Variants in PPP2R5C observed in about 807,000 individuals in gnomAD.
PPP2R5C encodes the protein serine/threonine-protein phosphatase 2A 56 kDa regulatory subunit gamma isoform.
A neutral mutation model predicts 68.9 loss-of-function variants in PPP2R5C; 7 were observed. That is an observed-to-expected ratio of 0.10 (90% CI 0.06 to 0.19). The LOEUF (loss-of-function observed/expected upper bound fraction) is 0.19. Among genes scored for constraint, PPP2R5C ranks in the 10% least tolerant of loss-of-function variants. The probability of loss-of-function intolerance (pLI) is 1.00; values close to 1 mark genes in which losing one functional copy is unlikely to be tolerated. For synonymous variants in PPP2R5C, 210 were observed against 222.2 expected (o/e 0.95, Z 0.49); for missense variants, 348 against 641.3 (o/e 0.54, Z 4.94).
chr14:101,763,487 A>G (rs749825890), intron 2 of PPP2R5C, among the ~76,000 whole-genome samples: 37 of 151,738 alleles, frequency 2.4e-4, no homozygotes, highest in Non-Finnish European at 1.2e-4. Flanking sequence ...AGTTCAAGCA[A>G]TTCTCCTGCC....
intron 8 of PPP2R5C, among the ~76,000 whole-genome samples, chr14:101,900,396 A>G (rs1313025213): frequency 6.6e-6 from 1 of 152,228 alleles, no homozygotes; most frequent in Admixed American, 6.5e-5. Flanking sequence ...ATGACTAGTG[A>G]GTGAAAACGA....
chr14:101,910,291 T>C (rs1178199356), intron 11 of PPP2R5C, among the ~76,000 whole-genome samples: 2 of 152,228 alleles, frequency 1.3e-5, no homozygotes, highest in South Asian at 2.1e-4. Flanking sequence ...CCAAGTTGAG[T>C]ATGGACTATT....
At chr14:101,857,861 A>G (rs1383381109) in intron 2 of PPP2R5C, among the ~76,000 whole-genome samples, 3 of 152,108 alleles carry the variant, frequency 2.0e-5, no homozygotes, top group Non-Finnish European at 4.4e-5. Context: ...TTCCAAAGCT[A>G]TATATTTCAG....
intron 1 of PPP2R5C, among the ~76,000 whole-genome samples, chr14:101,762,535 G>T (rs1321791993): frequency 6.6e-6 from 1 of 152,150 alleles, no homozygotes; most frequent in Non-Finnish European, 1.5e-5. Flanking sequence ...TTCTGCTTCA[G>T]GTGGAGCTCT....
intron 9 of PPP2R5C, among the ~76,000 whole-genome samples, chr14:101,905,119 C>G (rs1022160485): frequency 2.6e-5 from 4 of 152,182 alleles, no homozygotes. Flanking sequence ...TTTGGGAGGC[C>G]AAGGCGGGTG....
At position 101,886,280 on chromosome 14, in the gene PPP2R5C, C is replaced by CA. The variant is rs57167968; in HGVS notation, c.629+2735dup. ...TGGGCGACAGAGCAAGACTCCGTCT[C>CA]AAAAAAAAAAAAAAAAAGTAGTAGA... On this transcript the variant is annotated intron_variant, in intron 5 of 13. Coordinates refer to ENST00000334743, the Ensembl canonical transcript of PPP2R5C. Among the ~76,000 whole-genome samples, 163 of 103,906 alleles carry CA rather than the reference C, an allele frequency of 1.6e-3. 2 individuals carry two copies. The highest frequency in any genetic ancestry group is 6.9e-3 in the South Asian group (21 of 3,058). 68.2% of individuals were successfully genotyped at this position (103,906 alleles called of 152,430 possible).
chr14:101,908,193 C>G (rs1302730101), intron 10 of PPP2R5C, among the ~76,000 whole-genome samples: 1 of 152,128 alleles, frequency 6.6e-6, no homozygotes, highest in Non-Finnish European at 1.5e-5. Flanking sequence ...CGTAAAGTAC[C>G]TGGCTTATGA....
chr14:101,878,414 CG>C (rs2043930253), intron 2 of PPP2R5C, among the ~76,000 whole-genome samples: 1 of 152,194 alleles, frequency 6.6e-6, no homozygotes. Flanking sequence ...GTGTTTGAGA[CG>C]GGGCCTAGCT....
chr14:101,793,713 C>G (rs1371780597), intron 3 of PPP2R5C, among the ~76,000 whole-genome samples: 1 of 152,218 alleles, frequency 6.6e-6, no homozygotes, highest in Non-Finnish European at 1.5e-5. Context: ...CTTTTACACC[C>G]ATACTCATGG....
intron 3 of PPP2R5C, among the ~76,000 whole-genome samples, chr14:101,802,936 A>G (rs2038927219): frequency 6.8e-6 from 1 of 146,926 alleles, no homozygotes; most frequent in South Asian, 2.2e-4. Context: ...CACACCCACT[A>G]GGATGGCTAC....
At chr14:101,905,657 C>CA (rs908953650) in intron 9 of PPP2R5C, among the ~76,000 whole-genome samples, 67 of 140,932 alleles carry the variant, frequency 4.8e-4, no homozygotes, top group Middle Eastern at 3.8e-3. Context: ...AAATCCATCT[C>CA]AAAAAAAAAA....
chr14:101,843,182 C>G (rs2041606124), intron 1 of PPP2R5C, among the ~76,000 whole-genome samples: 1 of 152,130 alleles, frequency 6.6e-6, no homozygotes, highest in Non-Finnish European at 1.5e-5. Context: ...GAGCTGTGAT[C>G]ACACCACTGC....
rs371315630 is a variant in PPP2R5C at position 101,778,265 on chromosome 14, G to T, written c.94-7753G>T. Among the ~76,000 whole-genome samples the T allele has an allele frequency of 2.0e-4, 30 of 152,062 alleles. No homozygotes were observed. The South Asian group carries it at 4.8e-3, about 24-fold the overall frequency. On this transcript the variant is annotated intron_variant, in intron 2 of 14. Coordinates refer to the PPP2R5C transcript ENST00000328724. ...AGTCCTTTGCCCATTTTTTAATCGG[G>T]TTTTCTTTTTGTTATTGAGTTGTTA...
At chr14:101,927,398 A>T (rs1463983044) in exon 14 of PPP2R5C, 2 of 152,650 alleles carry the variant, frequency 1.3e-5, no homozygotes, top group Non-Finnish European at 2.9e-5. Flanking sequence ...TTCCCTAGTT[A>T]GTACTCGGAC....
chr14:101,778,128 A>G (rs1214867549), intron 2 of PPP2R5C, among the ~76,000 whole-genome samples: 2 of 152,212 alleles, frequency 1.3e-5, no homozygotes, highest in Non-Finnish European at 2.9e-5. Flanking sequence ...GGTGTGAAGT[A>G]GTATGTCATT....
At chr14:101,903,960 C>A (rs2141046076) in intron 9 of PPP2R5C, among the ~76,000 whole-genome samples, 1 of 152,284 alleles carries the variant, frequency 6.6e-6, no homozygotes, top group South Asian at 2.1e-4. Flanking sequence ...AGGCATAAGC[C>A]ACCGCGCCAG....
chr14:101,831,470 G>A (rs2040736325), intron 1 of PPP2R5C, among the ~76,000 whole-genome samples: 1 of 152,060 alleles, frequency 6.6e-6, no homozygotes, highest in Admixed American at 6.6e-5. Context: ...GCTACTAATG[G>A]GCCAGTGGGC....
chr14:101,876,992 A>G (rs1307020750), intron 2 of PPP2R5C, among the ~76,000 whole-genome samples: 1 of 116,926 alleles, frequency 8.6e-6, no homozygotes, highest in African/African-American at 3.5e-5. Flanking sequence ...TCTATTGCCC[A>G]GGCTGGAGTG....
chr14:101,762,983 A>G lies in PPP2R5C; in HGVS notation c.93+13A>G. Reference sequence around the variant, plus strand: ...AGTAGAATCAGAGGTAACTGTCATCAAATATTGACTTTGTATTTTATACAC... The same window carrying G: ...AGTAGAATCAGAGGTAACTGTCATCGAATATTGACTTTGTATTTTATACAC... On this transcript the variant is annotated intron_variant, in intron 2 of 14. Coordinates refer to the PPP2R5C transcript ENST00000328724. 4.5e-6 allele frequency: 7 copies of G among 1,558,982 alleles called. No homozygotes were observed. Among genetic ancestry groups the G allele is most frequent in the Non-Finnish European group, 6.1e-6 (7 of 1,148,534 alleles).
Sources: allele counts gnomAD v4.1 joint callset (sites outside exome capture counted in the v4.1 genomes callset), GRCh38; gene constraint gnomAD v4.1.1; transcripts MANE v1.5; gene names NCBI Gene and HGNC (gene_info 2026-07-23, HGNC 2026-07-21).